BRAF: variants seen among roughly 807,000 people sequenced by gnomAD.
BRAF encodes serine/threonine-protein kinase B-raf.
A neutral mutation model predicts 104.6 loss-of-function variants in BRAF; 16 were observed. The observed-to-expected ratio is 0.15, with a 90% confidence interval of 0.10 to 0.23. The LOEUF (loss-of-function observed/expected upper bound fraction) is 0.23, where lower values mean the gene tolerates loss of function less well. Among genes scored for constraint, BRAF ranks in the 10% least tolerant of loss-of-function variants. The pLI is 1.00. For synonymous variants in BRAF, 310 were observed against 341.6 expected, an observed-to-expected ratio of 0.91 and a Z score of 1.02; for missense variants, 541 against 937.3, an observed-to-expected ratio of 0.58 and a Z score of 5.52.
chr7:140,813,611 T>C (rs548900001), intron 3 of BRAF, among the ~76,000 whole-genome samples: 4 of 152,160 alleles, frequency 2.6e-5, no homozygotes, highest in Non-Finnish European at 4.4e-5. Flanking sequence ...AGAAAGAACC[T>C]GAATGACCAT....
intron 14 of BRAF, among the ~76,000 whole-genome samples, chr7:140,757,493 T>C (rs1390647366): frequency 6.6e-6 from 1 of 152,072 alleles, no homozygotes; most frequent in Non-Finnish European, 1.5e-5. Flanking sequence ...TTTCACCATG[T>C]TGGCTAGGAT....
chr7:140,721,430 T>A lies in BRAF; in HGVS notation c.*5064A>T. The stretch of plus-strand genomic sequence containing the variant: ...AATTAACAAAAATTAGAATTGAATT[T>A]CAATTTAAATGTCTTTGCCCAAACA... On this transcript the variant is annotated 3_prime_UTR_variant, in exon 20 of 20. Transcript: ENST00000644969. The A allele has an allele frequency of 8.0e-7, 1 of 1,252,074 alleles. No homozygotes were observed. Among genetic ancestry groups the A allele is most frequent in the South Asian group, 3.5e-5 (1 of 28,690 alleles). 77.6% of individuals were successfully genotyped at this position (1,252,074 alleles called of 1,614,324 possible). A position where few individuals can be genotyped will look rare whatever the true frequency, so the allele number is the denominator to read the frequency against.
At chr7:140,771,109 A>T (rs1799804327) in intron 14 of BRAF, among the ~76,000 whole-genome samples, 1 of 152,214 alleles carries the variant, frequency 6.6e-6, no homozygotes, top group Non-Finnish European at 1.5e-5. Context: ...CCACACAGGA[A>T]AAATGTTACC....
At position 140,834,868 on chromosome 7, in the gene BRAF, T is replaced by C. The variant is rs2129062326; in HGVS notation, c.245A>G (p.Tyr82Cys). The change falls in exon 3 of 20, where the codon TAT becomes TGT. Residue 82 changes from tyrosine to cysteine, a missense_variant. Physicochemically the swap from Tyr to Cys is radical, Grantham distance 194. Coordinates refer to ENST00000644969, the MANE Select transcript of BRAF (RefSeq NM_001374258.1). ...ATCTAGCTTGCTGGTGTATTCTTCA[T>C]AGGCCTATAAAATAAAGCAGACTTA... ...HNPPSIYLEAYEEYTSKLDAL... is the reference protein window; with the variant it reads ...HNPPSIYLEACEEYTSKLDAL... The C allele has an allele frequency of 6.2e-7, 1 of 1,614,126 alleles. No homozygotes were observed. The highest frequency in any genetic ancestry group is 8.5e-7 in the Non-Finnish European group (1 of 1,179,944).
chr7:140,868,581 T>C (rs572489893), intron 1 of BRAF, among the ~76,000 whole-genome samples: 12 of 151,258 alleles, frequency 7.9e-5, no homozygotes, highest in East Asian at 7.8e-4. Context: ...AATATAAGGA[T>C]TGGGGGAGAA....
intron 5 of BRAF, 99 bp downstream of exon 5, chr7:140,807,861 C>T: frequency 2.2e-6 from 2 of 916,550 alleles, no homozygotes; most frequent in South Asian, 1.6e-5. Flanking sequence ...ATGTCAGTTC[C>T]AAAATTACTC....
intron 14 of BRAF, among the ~76,000 whole-genome samples, chr7:140,767,018 T>TTA (rs1320236053): frequency 6.6e-6 from 1 of 152,038 alleles, no homozygotes; most frequent in African/African-American, 2.4e-5. Context: ...ATTTACTTAT[T>TTA]TTTGAGACAG....
At chr7:140,918,018 A>C (rs1485250071) in intron 1 of BRAF, among the ~76,000 whole-genome samples, 1 of 152,224 alleles carries the variant, frequency 6.6e-6, no homozygotes, top group Non-Finnish European at 1.5e-5. Context: ...TCTGACCCTT[A>C]AGATTGCTGA....
At chr7:140,849,829 TAAAATA>T (rs1287992421) in intron 2 of BRAF, among the ~76,000 whole-genome samples, 3 of 150,626 alleles carry the variant, frequency 2.0e-5, no homozygotes, top group East Asian at 1.9e-4. Context: ...AATAAATAAA[TAAAATA>T]AAAATAAAAA....
At chr7:140,866,342 C>G (rs1810963394) in intron 1 of BRAF, among the ~76,000 whole-genome samples, 1 of 152,144 alleles carries the variant, frequency 6.6e-6, no homozygotes, top group Non-Finnish European at 1.5e-5. Context: ...CCCTGGGACA[C>G]CATTCCAGAG....
intron 1 of BRAF, among the ~76,000 whole-genome samples, chr7:140,890,301 T>C (rs1347860183): frequency 2.6e-5 from 4 of 152,336 alleles, no homozygotes; most frequent in Non-Finnish European, 4.4e-5. Context: ...TAAAACTTTT[T>C]TGGGGATAAT....
At position 140,720,707 on chromosome 7, in the gene BRAF, T is replaced by G; in HGVS notation, c.*5787A>C. On this transcript the variant is annotated 3_prime_UTR_variant, in exon 20 of 20. Transcript: ENST00000644969. ...CTCTGTTCTCTACATCTGTGCCTAC[T>G]CTGTGAGCTTTGTTGTTTATGCTAG... 1 of 1,065,964 alleles carries G rather than the reference T, an allele frequency of 9.4e-7. No individual in the cohort carries two copies. Among genetic ancestry groups the G allele is most frequent in the South Asian group, 4.5e-5 (1 of 21,980 alleles). The allele number at this position is 1,065,964 out of a possible 1,614,324, so 66.0% of individuals were successfully genotyped here.
chr7:140,760,919 T>C (rs1278081733), intron 14 of BRAF, among the ~76,000 whole-genome samples: 1 of 152,158 alleles, frequency 6.6e-6, no homozygotes, highest in Non-Finnish European at 1.5e-5. Context: ...CTGATTAGTG[T>C]ACCTGAAAGT....
At chr7:140,919,134 G>C (rs1195113118) in intron 1 of BRAF, among the ~76,000 whole-genome samples, 1 of 141,926 alleles carries the variant, frequency 7.0e-6, no homozygotes, top group African/African-American at 2.8e-5. Flanking sequence ...GAGACAGAGC[G>C]AGACTCCGTC....
At chr7:140,778,612 G>A (rs926618731) in intron 12 of BRAF, among the ~76,000 whole-genome samples, 5 of 151,698 alleles carry the variant, frequency 3.3e-5, no homozygotes, top group Non-Finnish European at 7.4e-5. Flanking sequence ...GTGAGTTAAT[G>A]GGTGCAGCAC....
At chr7:140,867,336 C>T (rs1264594143) in intron 1 of BRAF, among the ~76,000 whole-genome samples, 1 of 152,200 alleles carries the variant, frequency 6.6e-6, no homozygotes, top group Non-Finnish European at 1.5e-5. Context: ...ACACTTTATA[C>T]ATGCCATAGC....
chr7:140,867,635 A>G (rs1811119782), intron 1 of BRAF, among the ~76,000 whole-genome samples: 1 of 152,144 alleles, frequency 6.6e-6, no homozygotes, highest in Admixed American at 6.5e-5. Context: ...GTATGGTAAA[A>G]CTTGAAGGTC....
chr7:140,795,447 C>T (rs943733073), intron 7 of BRAF, among the ~76,000 whole-genome samples: 1 of 152,186 alleles, frequency 6.6e-6, no homozygotes, highest in Non-Finnish European at 1.5e-5. Flanking sequence ...GTTATCATTC[C>T]ACCCTATTTT....
chr7:140,852,911 C>T (rs1809343585), intron 1 of BRAF, among the ~76,000 whole-genome samples: 2 of 152,140 alleles, frequency 1.3e-5, no homozygotes, highest in African/African-American at 4.8e-5. Context: ...AAAACTTCAG[C>T]ATCATCCTTG....
Sources: allele counts gnomAD v4.1 joint callset (sites outside exome capture counted in the v4.1 genomes callset), GRCh38; gene constraint gnomAD v4.1.1; transcripts MANE v1.5; gene names NCBI Gene and HGNC (gene_info 2026-07-23, HGNC 2026-07-21).